The following GATA4 variants were observed in gnomAD, a reference collection of about 807,000 sequenced individuals.
GATA4 encodes transcription factor GATA-4.
A neutral mutation model predicts 37.9 loss-of-function variants in GATA4; 7 were observed. The ratio of observed to expected loss-of-function variants is 0.18; its 90% CI spans 0.11 to 0.35. GATA4 has a LOEUF of 0.35. Among genes scored for constraint, GATA4 ranks in the 10% least tolerant of loss-of-function variants. GATA4 has a pLI of 1.00. For missense variants in GATA4, 647 were observed against 653.0 expected, an observed-to-expected ratio of 0.99 and a Z score of 0.10; for synonymous variants, 372 against 292.6, an observed-to-expected ratio of 1.27 and a Z score of -2.77.
intron 2 of GATA4, among the ~76,000 whole-genome samples, chr8:11,716,758 G>A (rs1298165186): frequency 1.3e-5 from 2 of 152,174 alleles, no homozygotes; most frequent in Non-Finnish European, 2.9e-5. Flanking sequence ...CGGCTGCAGC[G>A]GTGGGATTGT....
chr8:11,718,739 A>G (rs569411404), intron 2 of GATA4, among the ~76,000 whole-genome samples: 57 of 152,342 alleles, frequency 3.7e-4, no homozygotes, highest in African/African-American at 1.3e-3. Flanking sequence ...TCTACTCCCC[A>G]GTTGAAATCT....
At chr8:11,747,231 GA>G (rs1457420531) in intron 2 of GATA4, among the ~76,000 whole-genome samples, 1 of 152,234 alleles carries the variant, frequency 6.6e-6, no homozygotes, top group Non-Finnish European at 1.5e-5. Flanking sequence ...TGAAGTCAGA[GA>G]GACTTCTGGA....
intron 6 of GATA4, 36 bp from the exon 7 acceptor site, chr8:11,758,257 C>T: frequency 6.2e-7 from 1 of 1,612,832 alleles, no homozygotes; most frequent in African/African-American, 1.3e-5. Flanking sequence ...TCAGGAGCGT[C>T]TCCATGGGCC....
chr8:11,705,083 C>A (rs1360761787), intron 1 of GATA4, among the ~76,000 whole-genome samples: 2 of 152,166 alleles, frequency 1.3e-5, no homozygotes, highest in Non-Finnish European at 2.9e-5. Context: ...GCCGGGGTCG[C>A]GGACTGCCAC....
chr8:11,754,967 C>A (rs533679081), intron 4 of GATA4, 79 bp from the exon 5 acceptor site: 2 of 1,143,596 alleles, frequency 1.7e-6, no homozygotes, highest in Admixed American at 1.9e-5. Context: ...TGCCTTCTCG[C>A]AGCAGGTGTG....
intron 1 of GATA4, among the ~76,000 whole-genome samples, chr8:11,684,007 C>T (rs1354293508): frequency 2.6e-5 from 4 of 152,226 alleles, no homozygotes; most frequent in South Asian, 2.1e-4. Context: ...CCCAAGTCTC[C>T]GGGTTTATGC....
intron 2 of GATA4, among the ~76,000 whole-genome samples, chr8:11,714,597 T>G (rs574076873): frequency 6.6e-6 from 1 of 152,234 alleles, no homozygotes; most frequent in South Asian, 2.1e-4. Flanking sequence ...TGAGAACGAA[T>G]TAAATAAGAA....
At chr8:11,692,032 T>C (rs1432271079), upstream of GATA4, 1 of 985,300 alleles carries the variant, frequency 1.0e-6, no homozygotes, top group Non-Finnish European at 1.2e-6. Flanking sequence ...CTGTTCATGA[T>C]CCTCACCTTA....
chr8:11,691,651 C>T (rs750720789), upstream of GATA4, among the ~76,000 whole-genome samples: 2 of 152,156 alleles, frequency 1.3e-5, no homozygotes, highest in Admixed American at 6.5e-5. Context: ...CATGGCAGTC[C>T]TCTGGTGGCA....
intron 1 of GATA4, among the ~76,000 whole-genome samples, chr8:11,685,788 G>T (rs1799115612): frequency 6.6e-6 from 1 of 152,170 alleles, no homozygotes; most frequent in Non-Finnish European, 1.5e-5. Flanking sequence ...TCCCTTTTCT[G>T]GCAGGAGGAT....
At chr8:11,690,189 C>T (rs569543969), upstream of GATA4, among the ~76,000 whole-genome samples, 14 of 152,320 alleles carry the variant, frequency 9.2e-5, no homozygotes, top group South Asian at 2.9e-3. Context: ...TGGCATCTTC[C>T]GCACATGAGC....
At chr8:11,699,944 A>T (rs1455510652), upstream of GATA4, among the ~76,000 whole-genome samples, 1 of 152,226 alleles carries the variant, frequency 6.6e-6, no homozygotes, top group Admixed American at 6.5e-5. Flanking sequence ...TCATGGTAGA[A>T]AGTCGATATT....
At chr8:11,690,387 T>C (rs1031250902), upstream of GATA4, among the ~76,000 whole-genome samples, 2 of 152,080 alleles carry the variant, frequency 1.3e-5, no homozygotes, top group Non-Finnish European at 1.5e-5. Flanking sequence ...AACTGGAAAA[T>C]ACAAAGATGT....
At chr8:11,756,673 T>G in intron 5 of GATA4, 1 of 554,184 alleles carries the variant, frequency 1.8e-6, no homozygotes. Flanking sequence ...AATGTGAATC[T>G]TCAAGTTGAA....
intron 6 of GATA4, 91 bp downstream of exon 6, chr8:11,757,174 G>A (rs2130349333): frequency 6.5e-7 from 1 of 1,549,408 alleles, no homozygotes. Flanking sequence ...GGGACTTGCA[G>A]CCAGGCCTCA....
At chr8:11,746,814 G>T (rs905499632) in intron 2 of GATA4, among the ~76,000 whole-genome samples, 9 of 152,254 alleles carry the variant, frequency 5.9e-5, no homozygotes, top group Non-Finnish European at 1.0e-4. Context: ...TGACCCAGGT[G>T]TAAAAATAGC....
intron 3 of GATA4, 88 bp from the exon 4 acceptor site, chr8:11,750,023 G>GT: frequency 6.3e-7 from 1 of 1,598,072 alleles, no homozygotes; most frequent in South Asian, 1.1e-5. Flanking sequence ...CTCCCGTTAG[G>GT]GAGGCCCAGC....
At chr8:11,731,084 T>A (rs533101801) in intron 2 of GATA4, among the ~76,000 whole-genome samples, 1 of 152,366 alleles carries the variant, frequency 6.6e-6, no homozygotes, top group East Asian at 1.9e-4. Context: ...ACCTGTAATC[T>A]GTTCACTCTT....
At chr8:11,750,306 C>T in intron 4 of GATA4, 70 bp downstream of exon 4, 2 of 1,594,078 alleles carry the variant, frequency 1.3e-6, no homozygotes, top group Non-Finnish European at 1.7e-6. Flanking sequence ...CCCTTGTCTT[C>T]TTCCTTTGTA....
Sources: allele counts gnomAD v4.1 joint callset (sites outside exome capture counted in the v4.1 genomes callset), GRCh38; gene constraint gnomAD v4.1.1; transcripts MANE v1.5; gene names NCBI Gene and HGNC (gene_info 2026-07-23, HGNC 2026-07-21).